Variants in ADAMTS16 observed in about 807,000 individuals in gnomAD.
ADAMTS16 encodes ADAM metallopeptidase with thrombospondin type 1 motif 16.
ADAMTS16 carries 94 observed loss-of-function variants against 145.8 expected under a neutral mutation model. That is an observed-to-expected ratio of 0.64 (90% confidence interval 0.55 to 0.77). The LOEUF (loss-of-function observed/expected upper bound fraction) is 0.77. Ranked by LOEUF, ADAMTS16 falls within the 30% of genes least tolerant of loss-of-function variation. ADAMTS16 has a pLI of 0.00. For synonymous variants in ADAMTS16, 659 were observed against 604.3 expected, an observed-to-expected ratio of 1.09 and a Z score of -1.33; for missense variants, 1,585 against 1,591.5, an observed-to-expected ratio of 1.00 and a Z score of 0.07.
At chr5:5,311,947 G>A (rs553977714) in intron 21 of ADAMTS16, among the ~76,000 whole-genome samples, 29 of 152,194 alleles carry the variant, frequency 1.9e-4, no homozygotes, top group African/African-American at 6.0e-4. Flanking sequence ...TCGATCTCCT[G>A]ACCTTGTAAT....
At chr5:5,253,089 G>A (rs1223620562) in intron 17 of ADAMTS16, among the ~76,000 whole-genome samples, 1 of 151,640 alleles carries the variant, frequency 6.6e-6, no homozygotes, top group East Asian at 1.9e-4. Flanking sequence ...TTCCTTCTTT[G>A]CTTTTCAGTG....
At chr5:5,303,191 C>G in intron 18 of ADAMTS16, 77 bp from the exon 19 acceptor site, 1 of 1,417,536 alleles carries the variant, frequency 7.1e-7, no homozygotes, top group Non-Finnish European at 9.4e-7. Flanking sequence ...GCGCCGCTGC[C>G]TCCACATCAG....
At chr5:5,284,755 TA>T (rs911589675) in intron 18 of ADAMTS16, among the ~76,000 whole-genome samples, 2 of 152,262 alleles carry the variant, frequency 1.3e-5, no homozygotes, top group African/African-American at 4.8e-5. Context: ...AGAATATTTT[TA>T]AAATTTTAAT....
intron 18 of ADAMTS16, among the ~76,000 whole-genome samples, chr5:5,275,987 T>G (rs1297462619): frequency 6.6e-6 from 1 of 152,020 alleles, no homozygotes; most frequent in African/African-American, 2.4e-5. Context: ...GCCTCCCGAG[T>G]AGCTGGGATT....
chr5:5,179,343 G>T, intron 3 of ADAMTS16, among the ~76,000 whole-genome samples: 1 of 151,932 alleles, frequency 6.6e-6, no homozygotes, highest in East Asian at 1.9e-4. Context: ...ATCTTCTGAG[G>T]GGGGGTTTGA....
At chr5:5,150,694 T>C (rs1734428362) in intron 3 of ADAMTS16, among the ~76,000 whole-genome samples, 1 of 152,204 alleles carries the variant, frequency 6.6e-6, no homozygotes, top group Admixed American at 6.5e-5. Context: ...TTCCAGCACA[T>C]TTTGCAGTCA....
At chr5:5,231,052 C>T (rs1736905667) in intron 11 of ADAMTS16, among the ~76,000 whole-genome samples, 1 of 152,178 alleles carries the variant, frequency 6.6e-6, no homozygotes, top group South Asian at 2.1e-4. Context: ...CCTGGCATCT[C>T]CTTCCTCTCT....
chr5:5,241,967 T>A, intron 16 of ADAMTS16, 86 bp from the exon 17 acceptor site: 1 of 1,436,174 alleles, frequency 7.0e-7, no homozygotes, highest in Non-Finnish European at 9.5e-7. Flanking sequence ...GATTGATTAT[T>A]GTTTTAAGTA....
At chr5:5,176,835 A>G (rs922617913) in intron 3 of ADAMTS16, among the ~76,000 whole-genome samples, 2 of 152,164 alleles carry the variant, frequency 1.3e-5, no homozygotes, top group African/African-American at 2.4e-5. Flanking sequence ...TGCAGAAACC[A>G]TGGGAGGCAT....
At chr5:5,316,943 C>G (rs903843974) in intron 21 of ADAMTS16, among the ~76,000 whole-genome samples, 1 of 152,224 alleles carries the variant, frequency 6.6e-6, no homozygotes, top group Non-Finnish European at 1.5e-5. Flanking sequence ...CCATCATTGA[C>G]ACACTCAAAA....
chr5:5,229,817 A>G (rs1424429673), intron 11 of ADAMTS16, among the ~76,000 whole-genome samples: 1 of 152,208 alleles, frequency 6.6e-6, no homozygotes, highest in Non-Finnish European at 1.5e-5. Context: ...CCAGCCAGTC[A>G]TGAAAAAGAA....
At chr5:5,212,189 G>GTTTT (rs200419820) in intron 10 of ADAMTS16, among the ~76,000 whole-genome samples, 2 of 98,718 alleles carry the variant, frequency 2.0e-5, no homozygotes, top group African/African-American at 2.9e-5. Flanking sequence ...TAGTTTCTGG[G>GTTTT]GTTTTTTTTG....
At chr5:5,220,210 A>T (rs971922451) in intron 10 of ADAMTS16, among the ~76,000 whole-genome samples, 1 of 143,840 alleles carries the variant, frequency 7.0e-6, no homozygotes, top group South Asian at 2.2e-4. Flanking sequence ...CCCAGTCTAG[A>T]GTACAGTGGT....
chr5:5,242,007 GT>G (rs1737305246), intron 16 of ADAMTS16, 45 bp from the exon 17 acceptor site: 4 of 1,608,614 alleles, frequency 2.5e-6, no homozygotes, highest in Admixed American at 1.7e-5. Context: ...GTACTTGCTG[GT>G]TTTGCATTAA....
chr5:5,143,819 T>C (rs532699169), intron 2 of ADAMTS16, among the ~76,000 whole-genome samples: 3 of 152,300 alleles, frequency 2.0e-5, no homozygotes, highest in Admixed American at 6.5e-5. Flanking sequence ...AATGAGTTCA[T>C]GTCATTTGCA....
In ADAMTS16 at chr5:5,303,636, C is replaced by T. The variant is rs201934118; in HGVS notation, c.3056C>T (p.Ser1019Leu). The change falls in exon 20 of 23, where the codon TCG becomes TTG. Residue 1019 changes from serine to leucine, a missense_variant. Ser to Leu is a moderately radical substitution (Grantham distance 145). Coordinates refer to ENST00000274181, the MANE Select transcript of ADAMTS16 (RefSeq NM_139056.4). ...GTGGCCTGTAAGAGCACCAACCCCT[C>T]GGCCAGAGCGCAGCTGCTGCCCGAC... is the stretch of plus-strand genomic sequence containing the variant. The part of the protein sequence containing the change: ...RAVACKSTNP[S>L]ARAQLLPDAV... The T allele has an allele frequency of 3.2e-4, 524 of 1,614,000 alleles. No individual in the cohort carries two copies. The highest frequency in any genetic ancestry group is 4.1e-4 in the African/African-American group (31 of 74,944).
chr5:5,222,490 GT>G (rs1338168265), intron 10 of ADAMTS16, among the ~76,000 whole-genome samples: 14 of 152,034 alleles, frequency 9.2e-5, no homozygotes, highest in African/African-American at 3.4e-4. Context: ...ACTTTTTATA[GT>G]TTTCTGCAAT....
chr5:5,209,091 A>G lies in ADAMTS16; in HGVS notation c.1452-2A>G. The G allele has an allele frequency of 6.2e-7, 1 of 1,612,420 alleles. No homozygotes were observed. The highest frequency in any genetic ancestry group is 1.3e-5 in the African/African-American group (1 of 74,990). On this transcript the variant is annotated splice_acceptor_variant, in intron 9 of 22. Transcript: ENST00000274181. LOFTEE classifies it high-confidence loss of function. ...TAGTAGCTCATCTCCTCTTTGTTTC[A>G]GCACCGCTCAAGCTATCTGCCTTGC...
At chr5:5,146,592 C>T (rs1734303679) in intron 3 of ADAMTS16, 137 bp downstream of exon 3, 2 of 994,258 alleles carry the variant, frequency 2.0e-6, no homozygotes, top group Non-Finnish European at 2.9e-6. Flanking sequence ...GGAATATTGC[C>T]AAGTAAAACT....
Sources: allele counts gnomAD v4.1 joint callset (sites outside exome capture counted in the v4.1 genomes callset), GRCh38; gene constraint gnomAD v4.1.1; transcripts MANE v1.5; gene names NCBI Gene and HGNC (gene_info 2026-07-23, HGNC 2026-07-21).